The following MBP variants were observed in gnomAD, a reference collection of about 807,000 sequenced individuals.
MBP encodes the protein myelin basic protein.
MBP carries 16 observed loss-of-function variants against 35.8 expected under a neutral mutation model. The observed-to-expected ratio is 0.45, with a 90% CI of 0.30 to 0.68. The LOEUF (loss-of-function observed/expected upper bound fraction) is 0.68, where lower values mean the gene tolerates loss of function less well. Among genes scored for constraint, MBP ranks in the 30% least tolerant of loss-of-function variants. MBP has a pLI of 0.08. For missense variants in MBP, 380 were observed against 404.7 expected (o/e 0.94, Z 0.52); for synonymous variants, 143 against 159.6 (o/e 0.90, Z 0.78).
chr18:77,087,204 G>C (rs1789136), intron 2 of MBP: 151,340 of 152,412 alleles, frequency 0.99, 75,145 homozygotes, highest in Middle Eastern at 1. Context: ...TAGCCCCGCG[G>C]CAGCGCCCCA....
rs1383696026 is a variant in MBP, at chr18:77,105,293, G to C, written c.-25-7C>G. Reference sequence around the variant, plus strand: ...TGGATTGGCTCTTCAGAGGCTAAAAGAGAAAGAGAAAGTGTCAGCCCTAAG... The same window carrying C: ...TGGATTGGCTCTTCAGAGGCTAAAACAGAAAGAGAAAGTGTCAGCCCTAAG... On this transcript the variant is annotated splice_polypyrimidine_tract_variant and splice_region_variant and intron_variant, in intron 1 of 8. Coordinates refer to ENST00000355994, the MANE Select transcript of MBP (RefSeq NM_001025101.2). 1.3e-6 allele frequency: 2 copies of C among 1,571,302 alleles called. No homozygotes were observed. Among genetic ancestry groups the C allele is most frequent in the Non-Finnish European group, 8.8e-7 (1 of 1,141,916 alleles).
chr18:77,087,584 C>G (rs1975304051), intron 2 of MBP: 1 of 152,096 alleles, frequency 6.6e-6, no homozygotes. Context: ...CTGGCTTCTG[C>G]AAAGCAGTCG....
intron 2 of MBP, among the ~76,000 whole-genome samples, chr18:77,081,786 ACACACACG>A (rs1974926358): frequency 6.7e-6 from 1 of 148,520 alleles, no homozygotes; most frequent in African/African-American, 2.5e-5. Context: ...ACACACACAC[ACACACACG>A]TATATATATA....
At position 77,059,803 on chromosome 18, in the gene MBP, A is replaced by T. The variant is rs1973891275; in HGVS notation, c.139+6495T>A. On this transcript the variant is annotated intron_variant, in intron 3 of 8. Transcript: ENST00000355994. The stretch of plus-strand genomic sequence containing the variant: ...TTCAAGAGGCTTGCATTTGTGGAAG[A>T]AAAAACACACCAAGTATGCAAATGC... 2.6e-5 allele frequency among the ~76,000 whole-genome samples: 4 copies of T among 152,354 alleles called. 1 individual carries two copies. The South Asian group carries it at 8.3e-4, about 32-fold the overall frequency.
rs376592566 is a variant in MBP, at chr18:77,124,045, G to A, written c.-26+8535C>T. ...TGCTCTTGCCTGCAGGGCAGCATGG[G>A]CACACCTTCCTACCTGGAAGGAGCA... On this transcript the variant is annotated intron_variant, in intron 1 of 8. Transcript: ENST00000355994. Among the ~76,000 whole-genome samples the A allele has an allele frequency of 1.1e-4, 16 of 152,226 alleles. No homozygotes were observed. The East Asian group carries it at 2.5e-3, about 24-fold the overall frequency.
Position 76,989,564 on chromosome 18 carries a change from G to A in MBP, c.681+392C>T, listed in dbSNP as rs907132154. ...GGTCTTCAGTCACCATGGCAGCCTCGACAGAGCGGTTTCGCTGCCCGAAAA... is the reference window on the plus strand; with the variant it reads ...GGTCTTCAGTCACCATGGCAGCCTCAACAGAGCGGTTTCGCTGCCCGAAAA... On this transcript the variant is annotated intron_variant, in intron 5 of 8. Coordinates refer to ENST00000355994, the MANE Select transcript of MBP (RefSeq NM_001025101.2). This position sits in a 1 kb window ranked among gnomAD's most constrained non-coding sequence, Gnocchi z 4.0. 1.3e-5 allele frequency among the ~76,000 whole-genome samples: 2 copies of A among 152,064 alleles called. No homozygotes were observed. Among genetic ancestry groups the A allele is most frequent in the Non-Finnish European group, 1.5e-5 (1 of 68,020 alleles).
Position 76,980,273 on chromosome 18 carries a change from G to T in MBP, c.*154C>A. 1.3e-6 allele frequency: 1 copy of T among 756,818 alleles called. No homozygotes were observed. The highest frequency in any genetic ancestry group is 2.4e-6 in the Non-Finnish European group (1 of 414,860). The allele number at this position is 756,818 out of a possible 1,614,324, so 46.9% of individuals were successfully genotyped here. A position where few individuals can be genotyped will look rare whatever the true frequency, so the allele number is the denominator to read the frequency against. ...AACTGTTGGCCGGAAATTGCCGGTA[G>T]GCTGCCGTGGCCTGACCCTACTACG... is the stretch of plus-strand genomic sequence containing the variant. On this transcript the variant is annotated 3_prime_UTR_variant, in exon 9 of 9. Transcript: ENST00000355994.
chr18:77,042,797 A>AC (rs1973072763), intron 3 of MBP, among the ~76,000 whole-genome samples: 1 of 152,266 alleles, frequency 6.6e-6, no homozygotes, highest in Non-Finnish European at 1.5e-5. Context: ...CCTGCCCGGT[A>AC]CCAGCTCGTG....
At chr18:77,078,691 A>G (rs1301346348) in intron 2 of MBP, among the ~76,000 whole-genome samples, 2 of 152,218 alleles carry the variant, frequency 1.3e-5, no homozygotes, top group Non-Finnish European at 2.9e-5. Flanking sequence ...AGTTGGAGAG[A>G]GCAGATCCGC....
intron 4 of MBP, among the ~76,000 whole-genome samples, chr18:77,007,406 G>A (rs1297801147): frequency 3.3e-5 from 5 of 152,300 alleles, no homozygotes; most frequent in African/African-American, 1.2e-4. Flanking sequence ...CAGCCCGCCT[G>A]CACCCTCTGT....
intron 7 of MBP, chr18:76,986,009 C>T (rs1216284576): frequency 1.4e-5 from 14 of 985,408 alleles, no homozygotes; most frequent in African/African-American, 7.0e-5. Context: ...GCTGTCTTCT[C>T]GAGTGGGAAC....
intron 2 of MBP, among the ~76,000 whole-genome samples, chr18:77,100,699 A>C (rs1356339163): frequency 6.6e-6 from 1 of 152,008 alleles, no homozygotes; most frequent in African/African-American, 2.4e-5. Flanking sequence ...CTGTAGGTGC[A>C]CAGCACCATG....
intron 3 of MBP, among the ~76,000 whole-genome samples, chr18:77,057,323 G>A (rs1326152790): frequency 1.3e-5 from 2 of 152,100 alleles, no homozygotes; most frequent in South Asian, 4.2e-4. Flanking sequence ...CATGCAAGGC[G>A]GGGTCAGACA....
chr18:77,009,539 G>A (rs1172716939), intron 4 of MBP, among the ~76,000 whole-genome samples: 1 of 152,206 alleles, frequency 6.6e-6, no homozygotes, highest in African/African-American at 2.4e-5. Flanking sequence ...TTCAGGCCTC[G>A]GCAAAGTGAG....
At chr18:77,094,987 G>T (rs896992286) in intron 2 of MBP, among the ~76,000 whole-genome samples, 1 of 152,216 alleles carries the variant, frequency 6.6e-6, no homozygotes. Flanking sequence ...TGCTGCAGGG[G>T]AGTGTCTTGA....
At chr18:77,027,042 G>C (rs546560855) in intron 3 of MBP, among the ~76,000 whole-genome samples, 1 of 152,078 alleles carries the variant, frequency 6.6e-6, no homozygotes, top group African/African-American at 2.4e-5. Context: ...CGCCACTGTT[G>C]GCTTATTTTA....
At chr18:77,016,096 T>C (rs1971608827) in intron 4 of MBP, 1 of 985,152 alleles carries the variant, frequency 1.0e-6, no homozygotes, top group Non-Finnish European at 1.2e-6. Context: ...CAGCCACAGG[T>C]TCTCCACTGA....
At chr18:77,116,458 C>T (rs1244247915) in intron 1 of MBP, among the ~76,000 whole-genome samples, 1 of 152,204 alleles carries the variant, frequency 6.6e-6, no homozygotes, top group Non-Finnish European at 1.5e-5. Context: ...ATGCATTGAA[C>T]AGAACTAGAT....
At chr18:77,109,848 C>T (rs1284750725) in intron 1 of MBP, 4 of 151,474 alleles carry the variant, frequency 2.6e-5, no homozygotes, top group Non-Finnish European at 5.9e-5. Context: ...CAGGGTATAC[C>T]CATATTATAG....
Sources: allele counts gnomAD v4.1 joint callset (sites outside exome capture counted in the v4.1 genomes callset), GRCh38; gene constraint gnomAD v4.1.1; non-coding constraint Gnocchi (gnomAD v3.1); transcripts MANE v1.5; gene names NCBI Gene and HGNC (gene_info 2026-07-23, HGNC 2026-07-21).